KCNH5: variants seen among roughly 807,000 people sequenced by gnomAD.
The protein encoded by KCNH5 is voltage-gated delayed rectifier potassium channel KCNH5.
A neutral mutation model predicts 96.1 loss-of-function variants in KCNH5; 46 were observed. The observed-to-expected ratio is 0.48, with a 90% CI of 0.38 to 0.61. The LOEUF (loss-of-function observed/expected upper bound fraction) is 0.61, where lower values mean the gene tolerates loss of function less well. Among genes scored for constraint, KCNH5 ranks in the 20% least tolerant of loss-of-function variants. The probability of loss-of-function intolerance (pLI) is 0.00; values close to 1 mark genes in which losing one functional copy is unlikely to be tolerated. For synonymous variants in KCNH5, 439 were observed against 449.8 expected (o/e 0.98, Z 0.30); for missense variants, 907 against 1,225.8 (o/e 0.74, Z 3.88).
chr14:62,793,199 T>TAATTC (rs1886469582), intron 9 of KCNH5, among the ~76,000 whole-genome samples: 1 of 151,752 alleles, frequency 6.6e-6, no homozygotes, highest in Admixed American at 6.6e-5. Context: ...TTATGCTAGA[T>TAATTC]GAATTAAGTT....
chr14:62,940,564 T>C (rs990258880), intron 7 of KCNH5, among the ~76,000 whole-genome samples: 11 of 152,198 alleles, frequency 7.2e-5, no homozygotes, highest in Non-Finnish European at 1.3e-4. Context: ...GACATCTTGG[T>C]TCTTTCATTT....
At chr14:62,749,002 C>CTAAAGCT (rs1333968429) in intron 10 of KCNH5, among the ~76,000 whole-genome samples, 1 of 152,154 alleles carries the variant, frequency 6.6e-6, no homozygotes, top group Non-Finnish European at 1.5e-5. Context: ...ATATGAGTGT[C>CTAAAGCT]TAAAGCTTTC....
At chr14:62,806,109 C>G (rs1886761128) in intron 8 of KCNH5, among the ~76,000 whole-genome samples, 1 of 152,152 alleles carries the variant, frequency 6.6e-6, no homozygotes, top group African/African-American at 2.4e-5. Context: ...ATTGTCCTCA[C>G]TACTACACTC....
chr14:63,004,637 C>CTCTG (rs544242420), intron 3 of KCNH5, among the ~76,000 whole-genome samples: 3 of 152,322 alleles, frequency 2.0e-5, no homozygotes, highest in Admixed American at 2.0e-4. Context: ...CAGGGTCTTG[C>CTCTG]TCTGTCACCC....
Position 62,986,726 on chromosome 14 carries a change from A to T in KCNH5, c.549+346T>A, listed in dbSNP as rs559674045. Among the ~76,000 whole-genome samples, 86 of 152,128 alleles carry T rather than the reference A, an allele frequency of 5.7e-4. 1 individual carries two copies. Among genetic ancestry groups the T allele is most frequent in the Non-Finnish European group, 1.1e-3 (77 of 68,030 alleles). On this transcript the variant is annotated intron_variant, in intron 5 of 10. Transcript: ENST00000322893. ...TCCTTGATGACAGGGCCCATTTCTT[A>T]TTTAACTTTACATCCTTTGCAGAGT...
At chr14:63,029,681 A>C (rs1306477449) in intron 1 of KCNH5, among the ~76,000 whole-genome samples, 1 of 152,016 alleles carries the variant, frequency 6.6e-6, no homozygotes, top group African/African-American at 2.4e-5. Context: ...AGAGAGGGAG[A>C]CAGATTTTTT....
intron 4 of KCNH5, among the ~76,000 whole-genome samples, chr14:62,995,172 G>A (rs768730840): frequency 5.3e-5 from 8 of 151,920 alleles, no homozygotes; most frequent in Admixed American, 1.3e-4. Context: ...TAAAAATATC[G>A]ATACAAGTAG....
At chr14:62,883,137 A>T (rs147019548) in intron 7 of KCNH5, among the ~76,000 whole-genome samples, 3 of 152,346 alleles carry the variant, frequency 2.0e-5, no homozygotes, top group African/African-American at 4.8e-5. Context: ...CTGGGAGATA[A>T]ATAGCAGATG....
At chr14:62,786,261 C>G (rs1184254548) in intron 9 of KCNH5, among the ~76,000 whole-genome samples, 1 of 152,014 alleles carries the variant, frequency 6.6e-6, no homozygotes, top group Non-Finnish European at 1.5e-5. Context: ...AACTAATATC[C>G]AACAGGTTCC....
At position 63,030,360 on chromosome 14, in the gene KCNH5, C is replaced by T. The variant is rs189386417; in HGVS notation, c.74-13406G>A. Among the ~76,000 whole-genome samples, 65 of 152,292 alleles carry T rather than the reference C, an allele frequency of 4.3e-4. 1 individual carries two copies. The Middle Eastern group carries it at 0.01, about 24-fold the overall frequency. On this transcript the variant is annotated intron_variant, in intron 1 of 10. Transcript: ENST00000322893. ...GTCAGCAGATTCTGGAATGCATCCA[C>T]AAGGGGCTAAGACTTGAAAACAACT...
chr14:62,719,073 C>T (rs1391590497), intron 10 of KCNH5, among the ~76,000 whole-genome samples: 1 of 152,158 alleles, frequency 6.6e-6, no homozygotes, highest in Non-Finnish European at 1.5e-5. Flanking sequence ...GGAATGACCA[C>T]AAATGTTTGT....
chr14:62,887,774 A>C (rs915036777), intron 7 of KCNH5, among the ~76,000 whole-genome samples: 1 of 152,012 alleles, frequency 6.6e-6, no homozygotes, highest in African/African-American at 2.4e-5. Context: ...CATACCCTGA[A>C]ATTATTATTA....
At chr14:62,974,959 C>G (rs1890474164) in intron 6 of KCNH5, among the ~76,000 whole-genome samples, 1 of 152,286 alleles carries the variant, frequency 6.6e-6, no homozygotes, top group African/African-American at 2.4e-5. Flanking sequence ...AATAATACCC[C>G]ACCAGATTTG....
chr14:62,991,544 C>A (rs1187099132), intron 4 of KCNH5, among the ~76,000 whole-genome samples: 1 of 151,964 alleles, frequency 6.6e-6, no homozygotes, highest in Non-Finnish European at 1.5e-5. Context: ...ATTGAGTAAT[C>A]GTTTATGAGT....
intron 6 of KCNH5, among the ~76,000 whole-genome samples, chr14:62,968,236 C>T (rs1195207893): frequency 6.6e-6 from 1 of 152,206 alleles, no homozygotes; most frequent in Non-Finnish European, 1.5e-5. Context: ...CTTACCCTTT[C>T]TCCAAATTTT....
At chr14:62,856,336 T>C (rs1171304006) in intron 7 of KCNH5, among the ~76,000 whole-genome samples, 1 of 152,236 alleles carries the variant, frequency 6.6e-6, no homozygotes, top group Admixed American at 6.5e-5. Flanking sequence ...TCCATAATGA[T>C]AACCAGTACT....
intron 7 of KCNH5, among the ~76,000 whole-genome samples, chr14:62,917,817 T>C (rs752247260): frequency 6.6e-6 from 1 of 152,200 alleles, no homozygotes; most frequent in Admixed American, 6.5e-5. Flanking sequence ...TCTTTTAACA[T>C]CTAATTGATT....
At chr14:62,843,637 C>T (rs570030863) in intron 8 of KCNH5, among the ~76,000 whole-genome samples, 2 of 152,102 alleles carry the variant, frequency 1.3e-5, no homozygotes, top group East Asian at 3.9e-4. Flanking sequence ...GTCTCGATCT[C>T]CTCACCTCGT....
intron 8 of KCNH5, among the ~76,000 whole-genome samples, chr14:62,828,046 A>G (rs1438603777): frequency 6.6e-6 from 1 of 152,110 alleles, no homozygotes. Context: ...TGGGCACCTT[A>G]TAAATGAAGT....
Sources: gnomAD v4.1 joint callset for allele counts (sites outside exome capture counted in the v4.1 genomes callset) on GRCh38, gnomAD v4.1.1 for gene constraint, MANE v1.5 for transcripts, NCBI Gene and HGNC (gene_info 2026-07-23, HGNC 2026-07-21) for gene names.